The following ESR1 variants were observed in gnomAD, a reference collection of about 807,000 sequenced individuals.
The protein encoded by ESR1 is estrogen receptor 1, also known as estrogen receptor.
Under a neutral mutation model 52.7 loss-of-function variants are expected in ESR1, and 12 were observed. The observed-to-expected ratio is 0.23, with a 90% confidence interval of 0.15 to 0.37. The LOEUF is 0.37. Among genes scored for constraint, ESR1 ranks in the 10% least tolerant of loss-of-function variants. ESR1 has a pLI of 1.00. For synonymous variants in ESR1, 305 were observed against 316.8 expected, an observed-to-expected ratio of 0.96 and a Z score of 0.39; for missense variants, 584 against 779.7, an observed-to-expected ratio of 0.75 and a Z score of 2.99.
intron 5 of ESR1, among the ~76,000 whole-genome samples, chr6:152,054,312 C>T (rs145435518): frequency 2.2e-4 from 33 of 152,256 alleles, no homozygotes; most frequent in African/African-American, 7.7e-4. Context: ...TCCTAACATA[C>T]AGTTCCAGAG....
At chr6:151,919,843 G>A (rs1000492865) in intron 3 of ESR1, among the ~76,000 whole-genome samples, 1 of 152,124 alleles carries the variant, frequency 6.6e-6, no homozygotes, top group Non-Finnish European at 1.5e-5. Context: ...AGGAAGAAAA[G>A]AAGACACATG....
intron 6 of ESR1, among the ~76,000 whole-genome samples, chr6:152,062,348 C>T (rs769945807): frequency 6.6e-6 from 1 of 152,174 alleles, no homozygotes; most frequent in Non-Finnish European, 1.5e-5. Flanking sequence ...TTTTCCACTT[C>T]TCTTCCCCAC....
intron 3 of ESR1, among the ~76,000 whole-genome samples, chr6:151,888,059 A>G (rs1794145234): frequency 1.3e-5 from 2 of 152,174 alleles, no homozygotes; most frequent in African/African-American, 2.4e-5. Context: ...ATGCTGTTTT[A>G]ATTACTATAG....
At chr6:152,007,873 A>G (rs1224441305) in intron 4 of ESR1, among the ~76,000 whole-genome samples, 2 of 152,122 alleles carry the variant, frequency 1.3e-5, no homozygotes, top group East Asian at 3.9e-4. Context: ...GACACTTTCT[A>G]GTGTTCAGGA....
At chr6:151,994,416 G>C (rs1026075376) in intron 4 of ESR1, among the ~76,000 whole-genome samples, 1 of 152,138 alleles carries the variant, frequency 6.6e-6, no homozygotes, top group Non-Finnish European at 1.5e-5. Flanking sequence ...GTCCAAATAC[G>C]ATCTCTGGTC....
intron 5 of ESR1, among the ~76,000 whole-genome samples, chr6:152,018,559 G>A (rs1368188397): frequency 1.3e-5 from 2 of 152,018 alleles, no homozygotes; most frequent in Non-Finnish European, 2.9e-5. Context: ...ACACTCAAAG[G>A]AGGACCGCAC....
At chr6:151,767,067 T>C (rs1335780183) in intron 2 of ESR1, among the ~76,000 whole-genome samples, 1 of 152,180 alleles carries the variant, frequency 6.6e-6, no homozygotes, top group Non-Finnish European at 1.5e-5. Context: ...ACACCACGTA[T>C]TTCTGGTTCT....
At chr6:151,895,812 A>AT (rs569488844) in intron 3 of ESR1, among the ~76,000 whole-genome samples, 4 of 151,856 alleles carry the variant, frequency 2.6e-5, no homozygotes, top group South Asian at 4.2e-4. Context: ...CGTTAAGGAT[A>AT]TTTTTTTGAG....
upstream of ESR1, among the ~76,000 whole-genome samples, chr6:151,687,360 C>G (rs1424568243): frequency 6.6e-6 from 1 of 152,130 alleles, no homozygotes; most frequent in East Asian, 1.9e-4. Context: ...AGCAGAGTTT[C>G]AATTTTGGTT....
At chr6:151,909,650 G>C (rs908314038) in intron 3 of ESR1, among the ~76,000 whole-genome samples, 2 of 152,114 alleles carry the variant, frequency 1.3e-5, no homozygotes, top group Non-Finnish European at 2.9e-5. Flanking sequence ...GTCATCAAAG[G>C]TTCCCTCAGC....
intron 2 of ESR1, among the ~76,000 whole-genome samples, chr6:151,790,711 C>T (rs953464867): frequency 2.0e-5 from 3 of 151,970 alleles, no homozygotes; most frequent in Non-Finnish European, 4.4e-5. Flanking sequence ...TATATACACA[C>T]ATTCATTTGA....
At chr6:152,109,148 G>A (rs988976561) in intron 6 of ESR1, among the ~76,000 whole-genome samples, 1 of 152,088 alleles carries the variant, frequency 6.6e-6, no homozygotes, top group Non-Finnish European at 1.5e-5. Context: ...GCACCAGAGG[G>A]GATGGTGCTG....
In ESR1 at chr6:151,807,950, C is replaced by T. The variant is rs767166523; in HGVS notation, c.38C>T (p.Ala13Val). ...CTCCACACCAAAGCATCTGGGATGGCCCTACTGCATCAGATCCAAGGGAAC... is the reference window on the plus strand; with the variant it reads ...CTCCACACCAAAGCATCTGGGATGGTCCTACTGCATCAGATCCAAGGGAAC... Reference protein sequence around the residue: ...MTLHTKASGMALLHQIQGNEL... With the variant: ...MTLHTKASGMVLLHQIQGNEL... Residue 13 changes from alanine to valine, a missense_variant, in exon 1 of 8, where the codon GCC becomes GTC. Physicochemically the swap from Ala to Val is moderately conservative, Grantham distance 64 (BLOSUM62 0). This residue lies in a region of ESR1 where 251 missense variants were observed against 246.1 expected (regional missense o/e 1.02). Coordinates refer to ENST00000206249, the MANE Select transcript of ESR1 (RefSeq NM_000125.4). 2.5e-6 allele frequency: 4 copies of T among 1,613,830 alleles called. No homozygotes were observed. The Admixed American group carries it at 5.0e-5, about 20-fold the overall frequency.
At chr6:152,095,665 A>T (rs1285051016) in intron 7 of ESR1, among the ~76,000 whole-genome samples, 1 of 152,206 alleles carries the variant, frequency 6.6e-6, no homozygotes, top group African/African-American at 2.4e-5. Context: ...CGGGGTCATG[A>T]CTATTTCTGA....
Position 152,101,596 on chromosome 6 carries a change from T to C in ESR1, c.*2630T>C, listed in dbSNP as rs148368610. On this transcript the variant is annotated 3_prime_UTR_variant, in exon 8 of 8. Transcript: ENST00000206249. ...GTATTTTTACTTGAAGTGCCACTAA[T>C]GGACAGCAGATATTTTCTGGCTGAT... 2.6e-5 allele frequency: 6 copies of C among 230,772 alleles called. No homozygotes were observed. The East Asian group carries it at 3.7e-4, about 14-fold the overall frequency. The allele number at this position is 230,772 out of a possible 1,614,324, so 14.3% of individuals were successfully genotyped here.
intron 2 of ESR1, among the ~76,000 whole-genome samples, chr6:151,747,448 G>A (rs77670631): frequency 2.7e-4 from 41 of 152,024 alleles, no homozygotes; most frequent in African/African-American, 9.9e-4. Flanking sequence ...TTTCTTTCTG[G>A]GTTTTGTTGT....
At chr6:152,026,347 A>G (rs886744507) in intron 5 of ESR1, among the ~76,000 whole-genome samples, 2 of 152,000 alleles carry the variant, frequency 1.3e-5, no homozygotes, top group Non-Finnish European at 2.9e-5. Flanking sequence ...TTTATTTAAT[A>G]TTTTGGAAGG....
chr6:151,962,536 C>A (rs531367421), intron 4 of ESR1, among the ~76,000 whole-genome samples: 1 of 152,292 alleles, frequency 6.6e-6, no homozygotes, highest in East Asian at 1.9e-4. Context: ...CAGCAACAAA[C>A]TAAATAGCGA....
chr6:152,032,495 T>C (rs2044814032), intron 5 of ESR1, among the ~76,000 whole-genome samples: 1 of 152,026 alleles, frequency 6.6e-6, no homozygotes, highest in Admixed American at 6.6e-5. Flanking sequence ...TATACACCAA[T>C]AACAGACAAA....
Sources: gnomAD v4.1 joint callset for allele counts (sites outside exome capture counted in the v4.1 genomes callset) on GRCh38, gnomAD v4.1.1 for gene constraint, gnomAD v4.1.1 regional missense constraint, MANE v1.5 for transcripts, NCBI Gene and HGNC (gene_info 2026-07-23, HGNC 2026-07-21) for gene names.